KCNMB2: variants seen among roughly 807,000 people sequenced by gnomAD.
KCNMB2 encodes calcium-activated potassium channel subunit beta-2.
KCNMB2 carries 9 observed loss-of-function variants against 24.5 expected under a neutral mutation model. The observed-to-expected ratio is 0.37, with a 90% CI of 0.22 to 0.64. The LOEUF (loss-of-function observed/expected upper bound fraction) is 0.64. Among genes scored for constraint, KCNMB2 ranks in the 30% least tolerant of loss-of-function variants. The probability of loss-of-function intolerance (pLI) is 0.63; values close to 1 mark genes in which losing one functional copy is unlikely to be tolerated. For synonymous variants in KCNMB2, 109 were observed against 104.4 expected (o/e 1.04, Z -0.27); for missense variants, 226 against 284.3 (o/e 0.79, Z 1.47).
In KCNMB2 at chr3:178,640,910, C is replaced by T. The variant is rs979217303; in HGVS notation, c.-68+104199C>T. 2.1e-4 allele frequency among the ~76,000 whole-genome samples: 32 copies of T among 152,040 alleles called. 1 individual carries two copies. Among genetic ancestry groups the T allele is most frequent in the Admixed American group, 7.9e-4 (12 of 15,272 alleles). ...TCTGTGTCTAGGTTCTTCTTTTTTG[C>T]ATATGGAGATCCAATTGGTCTATTA... On this transcript the variant is annotated intron_variant, in intron 1 of 4. Transcript: ENST00000452583.
At chr3:178,564,276 TCA>T (rs981640622) in intron 1 of KCNMB2, among the ~76,000 whole-genome samples, 11 of 89,032 alleles carry the variant, frequency 1.2e-4, no homozygotes, top group African/African-American at 7.0e-4. Flanking sequence ...AGACTCCATC[TCA>T]AAAAAAAAAA....
intron 1 of KCNMB2, among the ~76,000 whole-genome samples, chr3:178,616,622 C>T (rs1237421552): frequency 6.6e-6 from 1 of 152,140 alleles, no homozygotes; most frequent in Non-Finnish European, 1.5e-5. Flanking sequence ...AAGTTAAAAC[C>T]AGGTACTATG....
intron 4 of KCNMB2, among the ~76,000 whole-genome samples, chr3:178,829,476 CATA>C (rs1416961989): frequency 6.6e-6 from 1 of 152,120 alleles, no homozygotes; most frequent in Non-Finnish European, 1.5e-5. Context: ...GAGGACTCAA[CATA>C]ATAAATATTT....
At chr3:178,648,052 A>C (rs7615444) in intron 1 of KCNMB2, among the ~76,000 whole-genome samples, 52,699 of 151,768 alleles carry the variant, frequency 0.35, 9,639 homozygotes, top group African/African-American at 0.46. Flanking sequence ...TTCTTAGCTC[A>C]TGACACACTC....
At chr3:178,632,165 C>T (rs1719344249) in intron 1 of KCNMB2, among the ~76,000 whole-genome samples, 1 of 152,180 alleles carries the variant, frequency 6.6e-6, no homozygotes, top group Admixed American at 6.5e-5. Context: ...AGGCTGAAAA[C>T]ACAGGGCTTT....
chr3:178,739,888 C>A (rs896281500), intron 1 of KCNMB2, among the ~76,000 whole-genome samples: 2 of 152,234 alleles, frequency 1.3e-5, no homozygotes, highest in Middle Eastern at 3.4e-3. Flanking sequence ...CAAGCTGTCC[C>A]AGGAAAACCA....
chr3:178,614,274 T>C (rs1471882553), intron 1 of KCNMB2, among the ~76,000 whole-genome samples: 11 of 102,402 alleles, frequency 1.1e-4, no homozygotes, highest in African/African-American at 4.8e-4. Context: ...TATATATATA[T>C]ATATATATAT....
intron 1 of KCNMB2, among the ~76,000 whole-genome samples, chr3:178,794,931 G>T (rs981472837): frequency 1.3e-5 from 2 of 152,170 alleles, no homozygotes; most frequent in African/African-American, 4.8e-5. Flanking sequence ...CCTGGCTATT[G>T]TGGGAGATGC....
intron 1 of KCNMB2, among the ~76,000 whole-genome samples, chr3:178,805,492 G>T (rs1206541403): frequency 1.3e-5 from 2 of 152,182 alleles, no homozygotes; most frequent in Non-Finnish European, 2.9e-5. Flanking sequence ...TATTATGAGT[G>T]CATGCTCTGA....
At chr3:178,781,780 A>G (rs2108432020) in intron 1 of KCNMB2, among the ~76,000 whole-genome samples, 1 of 149,692 alleles carries the variant, frequency 6.7e-6, no homozygotes, top group Admixed American at 6.6e-5. Context: ...CTAACATGAA[A>G]CCGCTTTTTT....
chr3:178,834,310 CTAAT>C (rs1560040561), intron 4 of KCNMB2, among the ~76,000 whole-genome samples: 1 of 152,212 alleles, frequency 6.6e-6, no homozygotes, highest in African/African-American at 2.4e-5. Context: ...CATTCACTAA[CTAAT>C]TATGTCTGAA....
intron 1 of KCNMB2, among the ~76,000 whole-genome samples, chr3:178,583,792 G>C (rs1236107922): frequency 2.0e-5 from 3 of 152,146 alleles, no homozygotes; most frequent in African/African-American, 7.2e-5. Context: ...AAATGCTAAG[G>C]TCAGAAAAGA....
chr3:178,703,514 C>CG (rs1722175576), intron 1 of KCNMB2, among the ~76,000 whole-genome samples: 1 of 133,206 alleles, frequency 7.5e-6, no homozygotes, highest in Admixed American at 7.1e-5. Flanking sequence ...CACCCACCCC[C>CG]CCAAAAAAAG....
intron 1 of KCNMB2, among the ~76,000 whole-genome samples, chr3:178,654,648 T>A (rs2108563559): frequency 6.6e-6 from 1 of 152,306 alleles, no homozygotes; most frequent in Middle Eastern, 3.4e-3. Flanking sequence ...TTAGACTTTT[T>A]TTAAAAAAGA....
intron 1 of KCNMB2, among the ~76,000 whole-genome samples, chr3:178,545,932 T>C (rs936306842): frequency 6.6e-6 from 1 of 152,214 alleles, no homozygotes; most frequent in African/African-American, 2.4e-5. Flanking sequence ...ATTCACTGGT[T>C]TAACTTTGCT....
intron 1 of KCNMB2, among the ~76,000 whole-genome samples, chr3:178,779,547 ATTCT>A (rs1338861393): frequency 6.6e-5 from 10 of 152,158 alleles, no homozygotes; most frequent in African/African-American, 2.4e-4. Context: ...TAATTTATAG[ATTCT>A]TTCTCCATTT....
At chr3:178,714,976 C>A (rs1290077782) in intron 1 of KCNMB2, among the ~76,000 whole-genome samples, 1 of 152,114 alleles carries the variant, frequency 6.6e-6, no homozygotes, top group African/African-American at 2.4e-5. Context: ...TATGTCTGCC[C>A]GGGCATTTTT....
chr3:178,600,973 A>G (rs757996236), intron 1 of KCNMB2, among the ~76,000 whole-genome samples: 1 of 152,170 alleles, frequency 6.6e-6, no homozygotes, highest in Non-Finnish European at 1.5e-5. Flanking sequence ...GACTAGATAA[A>G]GAAAATGTGG....
chr3:178,766,247 G>A (rs1712115313), intron 1 of KCNMB2, among the ~76,000 whole-genome samples: 2 of 152,142 alleles, frequency 1.3e-5, no homozygotes, highest in African/African-American at 4.8e-5. Flanking sequence ...AGGCTGGAGT[G>A]TAGTGATGCC....
Sources: gnomAD v4.1 joint callset for allele counts (sites outside exome capture counted in the v4.1 genomes callset) on GRCh38, gnomAD v4.1.1 for gene constraint, MANE v1.5 for transcripts, NCBI Gene and HGNC (gene_info 2026-07-23, HGNC 2026-07-21) for gene names.